KCND2: variants seen among roughly 807,000 people sequenced by gnomAD.
KCND2 encodes the protein potassium voltage-gated channel subfamily D member 2.
In KCND2, 16 loss-of-function variants were observed where a neutral mutation model predicts 54.4. That is an observed-to-expected ratio of 0.29 (90% CI 0.20 to 0.45). The LOEUF is 0.45. KCND2 is among the 20% of genes least tolerant of loss of function. KCND2 has a pLI of 1.00. For missense variants in KCND2, 486 were observed against 824.2 expected, an observed-to-expected ratio of 0.59 and a Z score of 5.02; for synonymous variants, 317 against 310.7, an observed-to-expected ratio of 1.02 and a Z score of -0.21.
chr7:120,541,183 C>T (rs945195726), intron 1 of KCND2, among the ~76,000 whole-genome samples: 6 of 152,112 alleles, frequency 3.9e-5, no homozygotes, highest in Non-Finnish European at 4.4e-5. Context: ...ATTGGGTTCC[C>T]ATTAAGTTTT....
At chr7:120,517,028 T>A (rs1171333354) in intron 1 of KCND2, among the ~76,000 whole-genome samples, 1 of 152,150 alleles carries the variant, frequency 6.6e-6, no homozygotes, top group East Asian at 1.9e-4. Context: ...AGTAAAATAA[T>A]TTTATGTTCA....
chr7:120,302,526 C>T (rs1370286412), intron 1 of KCND2, among the ~76,000 whole-genome samples: 1 of 152,180 alleles, frequency 6.6e-6, no homozygotes, highest in Non-Finnish European at 1.5e-5. Flanking sequence ...CTGCCTTGGC[C>T]TCCCAGAGTG....
chr7:120,299,207 C>T (rs1799552562), intron 1 of KCND2, among the ~76,000 whole-genome samples: 1 of 152,062 alleles, frequency 6.6e-6, no homozygotes, highest in Non-Finnish European at 1.5e-5. Context: ...TAAAGTATAT[C>T]ATTTAGTCTT....
chr7:120,679,763 A>G (rs1370102272), intron 1 of KCND2, among the ~76,000 whole-genome samples: 3 of 152,000 alleles, frequency 2.0e-5, no homozygotes, highest in Non-Finnish European at 4.4e-5. Context: ...AATTTTCTCC[A>G]TTTCTCTGTT....
At chr7:120,429,852 C>T (rs953697622) in intron 1 of KCND2, among the ~76,000 whole-genome samples, 101 of 151,782 alleles carry the variant, frequency 6.7e-4, no homozygotes, top group African/African-American at 2.3e-3. Flanking sequence ...ATTGGAATGA[C>T]GTTTTAAAAA....
At chr7:120,645,371 G>A (rs554755255) in intron 1 of KCND2, among the ~76,000 whole-genome samples, 3 of 151,794 alleles carry the variant, frequency 2.0e-5, no homozygotes, top group Non-Finnish European at 2.9e-5. Flanking sequence ...GGGTTCTGTG[G>A]CCCATGACTA....
intron 1 of KCND2, among the ~76,000 whole-genome samples, chr7:120,666,561 A>T (rs994636274): frequency 3.9e-5 from 6 of 152,114 alleles, no homozygotes; most frequent in African/African-American, 1.4e-4. Flanking sequence ...CTCAGTGAGA[A>T]CTCAGCATAG....
chr7:120,538,596 G>T (rs1239425456), intron 1 of KCND2, among the ~76,000 whole-genome samples: 2 of 152,146 alleles, frequency 1.3e-5, no homozygotes, highest in Admixed American at 1.3e-4. Flanking sequence ...CCAGCACTGG[G>T]CACTGCTGGC....
intron 1 of KCND2, among the ~76,000 whole-genome samples, chr7:120,451,899 G>A (rs1164969308): frequency 2.0e-5 from 3 of 152,104 alleles, no homozygotes; most frequent in African/African-American, 7.2e-5. Context: ...AAGCTAATAG[G>A]TACCGATTAA....
intron 1 of KCND2, among the ~76,000 whole-genome samples, chr7:120,429,866 A>G (rs965155721): frequency 1.3e-5 from 2 of 152,212 alleles, no homozygotes; most frequent in East Asian, 3.8e-4. Flanking sequence ...TTAAAAAAAT[A>G]TATTATTTTG....
intron 1 of KCND2, among the ~76,000 whole-genome samples, chr7:120,667,281 G>T (rs1337662614): frequency 6.6e-6 from 1 of 152,064 alleles, no homozygotes; most frequent in Non-Finnish European, 1.5e-5. Flanking sequence ...AGACATTTAA[G>T]ATTCTAATAA....
intron 1 of KCND2, among the ~76,000 whole-genome samples, chr7:120,429,571 T>C (rs947349856): frequency 5.9e-5 from 9 of 152,082 alleles, no homozygotes; most frequent in Non-Finnish European, 1.0e-4. Context: ...ACCTGTGTTA[T>C]TGTCTCGGTT....
At chr7:120,688,413 C>T (rs1393340033) in intron 1 of KCND2, among the ~76,000 whole-genome samples, 1 of 152,122 alleles carries the variant, frequency 6.6e-6, no homozygotes, top group Non-Finnish European at 1.5e-5. Context: ...TTTCCCATAT[C>T]AGCCATTTAA....
At chr7:120,281,044 C>T (rs1477361935) in intron 1 of KCND2, among the ~76,000 whole-genome samples, 1 of 152,016 alleles carries the variant, frequency 6.6e-6, no homozygotes, top group Non-Finnish European at 1.5e-5. Flanking sequence ...ACTTTCAGGC[C>T]GTTTGGCGGC....
chr7:120,513,025 G>A (rs1467051516), intron 1 of KCND2, among the ~76,000 whole-genome samples: 2 of 151,814 alleles, frequency 1.3e-5, no homozygotes, highest in African/African-American at 2.4e-5. Context: ...TGAACTCCTG[G>A]CCTCAAGTGA....
intron 1 of KCND2, among the ~76,000 whole-genome samples, chr7:120,293,320 C>A (rs1159299023): frequency 6.6e-6 from 1 of 151,920 alleles, no homozygotes; most frequent in Admixed American, 6.6e-5. Context: ...TTGTCCAGAT[C>A]ATTGTACCTG....
chr7:120,329,817 G>A (rs997414828), intron 1 of KCND2, among the ~76,000 whole-genome samples: 2 of 152,322 alleles, frequency 1.3e-5, no homozygotes, highest in Non-Finnish European at 2.9e-5. Context: ...ATGATTAAGA[G>A]TTTTAAAGAG....
intron 1 of KCND2, among the ~76,000 whole-genome samples, chr7:120,299,305 T>A (rs1329708349): frequency 6.6e-6 from 1 of 152,058 alleles, no homozygotes; most frequent in Non-Finnish European, 1.5e-5. Context: ...CATAAATGAG[T>A]CACGATCAGT....
At chr7:120,561,289 A>G (rs1792229313) in intron 1 of KCND2, among the ~76,000 whole-genome samples, 1 of 152,232 alleles carries the variant, frequency 6.6e-6, no homozygotes, top group South Asian at 2.1e-4. Flanking sequence ...GACAGATGAC[A>G]GGAGAGATGA....
Sources: gnomAD v4.1 joint callset for allele counts (sites outside exome capture counted in the v4.1 genomes callset) on GRCh38, gnomAD v4.1.1 for gene constraint, MANE v1.5 for transcripts, NCBI Gene and HGNC (gene_info 2026-07-23, HGNC 2026-07-21) for gene names.